Variants in WWOX observed in about 807,000 individuals in gnomAD.
WWOX encodes WW domain containing oxidoreductase.
A neutral mutation model predicts 46.2 loss-of-function variants in WWOX; 69 were observed. That is an observed-to-expected ratio of 1.49 (90% CI 1.23 to 1.82). The LOEUF (loss-of-function observed/expected upper bound fraction) is 1.82, where lower values mean the gene tolerates loss of function less well. Ranked by LOEUF, WWOX falls within the 40% of genes most tolerant of loss-of-function variation. The pLI, the probability that WWOX is intolerant of heterozygous loss-of-function variation, is 0.00. For missense variants in WWOX, 919 were observed against 542.6 expected, an observed-to-expected ratio of 1.69 and a Z score of -6.89; for synonymous variants, 359 against 202.6, an observed-to-expected ratio of 1.77 and a Z score of -6.56.
intron 6 of WWOX, among the ~76,000 whole-genome samples, chr16:78,415,371 C>T (rs939519235): frequency 2.0e-5 from 3 of 151,970 alleles, no homozygotes; most frequent in Non-Finnish European, 2.9e-5. Flanking sequence ...GGGTTTTGGC[C>T]GGCTTCTTTA....
At chr16:78,295,015 G>T (rs889804876) in intron 5 of WWOX, among the ~76,000 whole-genome samples, 1 of 152,140 alleles carries the variant, frequency 6.6e-6, no homozygotes. Context: ...TCAGAAGTCT[G>T]GGTTGTCCCC....
chr16:78,555,042 C>T (rs546960056), intron 8 of WWOX, among the ~76,000 whole-genome samples: 4 of 152,144 alleles, frequency 2.6e-5, no homozygotes, highest in South Asian at 4.2e-4. Flanking sequence ...TTTAAGGTCC[C>T]GAGGAATGTG....
chr16:78,914,796 G>C (rs183832658), intron 8 of WWOX, among the ~76,000 whole-genome samples: 1 of 151,058 alleles, frequency 6.6e-6, no homozygotes, highest in Non-Finnish European at 1.5e-5. Context: ...GGAGAATGGC[G>C]TGAACCCAGG....
chr16:78,973,586 T>C (rs1200995146), intron 8 of WWOX, among the ~76,000 whole-genome samples: 2 of 152,234 alleles, frequency 1.3e-5, no homozygotes, highest in African/African-American at 2.4e-5. Flanking sequence ...AGTTTTTCTT[T>C]CTGTCTCAGT....
chr16:79,137,002 A>G (rs530761408), intron 8 of WWOX, among the ~76,000 whole-genome samples: 5 of 152,304 alleles, frequency 3.3e-5, no homozygotes, highest in South Asian at 2.1e-4. Flanking sequence ...GGAAAAGACA[A>G]CTGAGAGGAG....
intron 5 of WWOX, among the ~76,000 whole-genome samples, chr16:78,240,363 A>G (rs1399463041): frequency 2.0e-5 from 3 of 152,114 alleles, no homozygotes; most frequent in Non-Finnish European, 4.4e-5. Flanking sequence ...AGGAGAGGAC[A>G]CAGAGGAGAA....
chr16:78,423,121 G>A (rs1337734744), intron 6 of WWOX, among the ~76,000 whole-genome samples: 4 of 151,942 alleles, frequency 2.6e-5, no homozygotes, highest in Admixed American at 1.3e-4. Context: ...TTCTGACCTC[G>A]TGATTTGCCT....
rs550979623 is a variant in WWOX at position 78,803,564 on chromosome 16, A to C, written c.1056+370812A>C. Among the ~76,000 whole-genome samples the C allele has an allele frequency of 3.9e-5, 6 of 152,204 alleles. No individual in the cohort carries two copies. In the Middle Eastern group the frequency reaches 0.01, roughly 259 times the overall value. On this transcript the variant is annotated intron_variant, in intron 8 of 8. Coordinates refer to ENST00000566780, the MANE Select transcript of WWOX (RefSeq NM_016373.4). ...TGGGCTCAAGCAGTCGTCCTGCCTC[A>C]GCCTCCCAAGTAGCTTAGAACCACA...
intron 8 of WWOX, among the ~76,000 whole-genome samples, chr16:78,497,006 A>G (rs1332789792): frequency 6.6e-6 from 1 of 152,254 alleles, no homozygotes; most frequent in East Asian, 1.9e-4. Context: ...TAGTAATGGG[A>G]AACTTTGGAG....
chr16:78,725,364 TGA>T (rs2048803944), intron 8 of WWOX, among the ~76,000 whole-genome samples: 1 of 137,334 alleles, frequency 7.3e-6, no homozygotes. Context: ...TTTTTTTTTT[TGA>T]GATGGAGTTT....
At chr16:78,274,579 G>A (rs894065942) in intron 5 of WWOX, among the ~76,000 whole-genome samples, 4 of 152,052 alleles carry the variant, frequency 2.6e-5, no homozygotes, top group African/African-American at 9.7e-5. Flanking sequence ...CTTCCATTCT[G>A]GTGAACACAT....
chr16:78,417,287 C>G, intron 6 of WWOX, among the ~76,000 whole-genome samples: 1 of 151,814 alleles, frequency 6.6e-6, no homozygotes, highest in Non-Finnish European at 1.5e-5. Flanking sequence ...GAGATGAGGT[C>G]TTGCTATGTT....
Position 78,483,375 on chromosome 16 carries a change from A to AT in WWOX, c.1056+50637dup, listed in dbSNP as rs11335355. On this transcript the variant is annotated intron_variant, in intron 8 of 8. Coordinates refer to ENST00000566780, the MANE Select transcript of WWOX (RefSeq NM_016373.4). ...GCAGAAGCATTGGCTGACATGGAAG[A>AT]TTTTTTTTTTTTTTAATACTTTTCT... Among the ~76,000 whole-genome samples, 202 of 135,368 alleles carry AT rather than the reference A, an allele frequency of 1.5e-3. 1 individual carries two copies. Among genetic ancestry groups the AT allele is most frequent in the South Asian group, 1.9e-3 (8 of 4,122 alleles). The allele number at this position is 135,368 out of a possible 152,430, so 88.8% of individuals were successfully genotyped here.
chr16:79,150,303 A>G (rs7190432), intron 8 of WWOX, among the ~76,000 whole-genome samples: 1 of 152,070 alleles, frequency 6.6e-6, no homozygotes, highest in East Asian at 1.9e-4. Context: ...ACACTAAACA[A>G]GGGATTTCAC....
chr16:78,537,953 G>C (rs1252202866), intron 8 of WWOX, among the ~76,000 whole-genome samples: 6 of 152,064 alleles, frequency 3.9e-5, no homozygotes, highest in African/African-American at 1.4e-4. Flanking sequence ...CTCTCAGGAG[G>C]CCTGCTGATA....
chr16:78,976,281 C>G (rs1341493421), intron 8 of WWOX, among the ~76,000 whole-genome samples: 1 of 152,230 alleles, frequency 6.6e-6, no homozygotes, highest in African/African-American at 2.4e-5. Context: ...AACACTCCTA[C>G]TTCTTTCTGA....
At chr16:78,355,343 C>T (rs11861508) in intron 5 of WWOX, among the ~76,000 whole-genome samples, 3,657 of 152,182 alleles carry the variant, frequency 0.024, 152 homozygotes, top group African/African-American at 0.084. Flanking sequence ...TGGCTCACGC[C>T]TGTAATCCCA....
At chr16:79,041,380 C>G (rs1437469313) in intron 8 of WWOX, among the ~76,000 whole-genome samples, 2 of 152,144 alleles carry the variant, frequency 1.3e-5, no homozygotes, top group Non-Finnish European at 2.9e-5. Flanking sequence ...TGCCCATTCC[C>G]TGATATAAGG....
chr16:78,492,182 A>T (rs1343209659), intron 8 of WWOX, among the ~76,000 whole-genome samples: 1 of 152,186 alleles, frequency 6.6e-6, no homozygotes, highest in African/African-American at 2.4e-5. Context: ...AGATAGTTCC[A>T]TTAGGTGACA....
Sources: allele counts gnomAD v4.1 joint callset (sites outside exome capture counted in the v4.1 genomes callset), GRCh38; gene constraint gnomAD v4.1.1; transcripts MANE v1.5; gene names NCBI Gene and HGNC (gene_info 2026-07-23, HGNC 2026-07-21).